The following DRD2 variants were observed in gnomAD, a reference collection of about 807,000 sequenced individuals.
The protein encoded by DRD2 is dopamine receptor D2.
Under a neutral mutation model 38.0 loss-of-function variants are expected in DRD2, and 8 were observed. The ratio of observed to expected loss-of-function variants is 0.21; its 90% CI spans 0.12 to 0.38. DRD2 has a LOEUF of 0.38. Among genes scored for constraint, DRD2 ranks in the 10% least tolerant of loss-of-function variants. The pLI, the probability that DRD2 is intolerant of heterozygous loss-of-function variation, is 1.00. For missense variants in DRD2, 403 were observed against 607.7 expected, an observed-to-expected ratio of 0.66 and a Z score of 3.54; for synonymous variants, 230 against 238.6, an observed-to-expected ratio of 0.96 and a Z score of 0.33.
chr11:113,454,109 A>G (rs1447147367), intron 1 of DRD2, among the ~76,000 whole-genome samples: 2 of 152,238 alleles, frequency 1.3e-5, no homozygotes, highest in East Asian at 3.8e-4. Context: ...GGTGGCTTCA[A>G]ATCAGCTACA....
chr11:113,433,457 G>A (rs1591286106), intron 1 of DRD2, among the ~76,000 whole-genome samples: 2 of 152,156 alleles, frequency 1.3e-5, no homozygotes, highest in South Asian at 4.1e-4. Context: ...CCCAGGGAGT[G>A]GCCTGGACTA....
chr11:113,471,074 C>T (rs374820434), intron 1 of DRD2, among the ~76,000 whole-genome samples: 10 of 152,234 alleles, frequency 6.6e-5, no homozygotes, highest in African/African-American at 2.2e-4. Flanking sequence ...TTCTCTGGAC[C>T]CAAATCAAAG....
At chr11:113,453,706 C>T (rs1172445389) in intron 1 of DRD2, among the ~76,000 whole-genome samples, 5 of 152,196 alleles carry the variant, frequency 3.3e-5, no homozygotes, top group African/African-American at 7.2e-5. Context: ...CGTTCCATGA[C>T]GGAGATGCCG....
intron 1 of DRD2, among the ~76,000 whole-genome samples, chr11:113,436,130 C>T (rs1360432870): frequency 6.6e-6 from 1 of 152,140 alleles, no homozygotes; most frequent in East Asian, 1.9e-4. Flanking sequence ...GATGGGAGGC[C>T]TTCTTGCAAT....
At chr11:113,411,041 G>A in intron 7 of DRD2, 121 bp from the exon 8 acceptor site, 1 of 1,080,248 alleles carries the variant, frequency 9.3e-7, no homozygotes, top group Non-Finnish European at 1.3e-6. Flanking sequence ...CAGAAGCACT[G>A]TAGGAGGAGT....
chr11:113,471,490 G>T (rs1360670012), intron 1 of DRD2, among the ~76,000 whole-genome samples: 4 of 152,162 alleles, frequency 2.6e-5, no homozygotes, highest in Non-Finnish European at 5.9e-5. Flanking sequence ...AGGGAAAATG[G>T]TGCTGGGGTT....
chr11:113,471,910 C>G (rs948257208), intron 1 of DRD2, among the ~76,000 whole-genome samples: 2 of 152,168 alleles, frequency 1.3e-5, no homozygotes, highest in African/African-American at 4.8e-5. Flanking sequence ...AAGACCTCAA[C>G]TCTTAGGTAA....
chr11:113,451,614 C>G (rs1262743387), intron 1 of DRD2, among the ~76,000 whole-genome samples: 1 of 152,110 alleles, frequency 6.6e-6, no homozygotes, highest in Non-Finnish European at 1.5e-5. Context: ...CCTCAGCCTC[C>G]CAAGTAACTG....
chr11:113,425,839 T>G (rs984666942), intron 1 of DRD2, among the ~76,000 whole-genome samples: 2 of 152,148 alleles, frequency 1.3e-5, no homozygotes, highest in Admixed American at 1.3e-4. Flanking sequence ...TGACATGGTA[T>G]CAAATCATCA....
intron 1 of DRD2, among the ~76,000 whole-genome samples, chr11:113,436,215 G>A (rs1195735882): frequency 6.6e-6 from 1 of 152,102 alleles, no homozygotes; most frequent in Non-Finnish European, 1.5e-5. Flanking sequence ...CCTCAAAGAC[G>A]AATTGAAGGT....
chr11:113,473,937 G>A (rs1318249499), intron 1 of DRD2, among the ~76,000 whole-genome samples: 1 of 152,204 alleles, frequency 6.6e-6, no homozygotes, highest in African/African-American at 2.4e-5. Flanking sequence ...CCCTAAGGAG[G>A]AGCAAGGATT....
intron 1 of DRD2, among the ~76,000 whole-genome samples, chr11:113,437,033 G>A (rs1386594001): frequency 6.6e-6 from 1 of 152,160 alleles, no homozygotes; most frequent in Non-Finnish European, 1.5e-5. Context: ...AATAAGTCAT[G>A]TCCTCTCTTT....
At chr11:113,439,307 A>G (rs1212474723) in intron 1 of DRD2, among the ~76,000 whole-genome samples, 1 of 152,180 alleles carries the variant, frequency 6.6e-6, no homozygotes, top group Non-Finnish European at 1.5e-5. Context: ...GAGGAAGCTG[A>G]CAGTGACGGT....
intron 1 of DRD2, among the ~76,000 whole-genome samples, chr11:113,471,464 T>C (rs188658390): frequency 6.6e-6 from 1 of 152,282 alleles, no homozygotes; most frequent in East Asian, 1.9e-4. Context: ...CAAAATGCCT[T>C]ACTGGAGGTG....
intron 1 of DRD2, among the ~76,000 whole-genome samples, chr11:113,437,900 A>G (rs1321781605): frequency 6.6e-6 from 1 of 152,100 alleles, no homozygotes; most frequent in Non-Finnish European, 1.5e-5. Context: ...GAGGGGCAAC[A>G]TGGGCACAAC....
At chr11:113,432,292 C>CA (rs1439898557) in intron 1 of DRD2, among the ~76,000 whole-genome samples, 1 of 8,834 alleles carries the variant, frequency 1.1e-4, no homozygotes, top group African/African-American at 2.6e-4. Flanking sequence ...CTCTCTTTCT[C>CA]TCTCTCTCTC....
Position 113,424,449 on chromosome 11 carries a change from G to T in DRD2, c.203C>A (p.Thr68Asn). 1 of 1,614,256 alleles carries T rather than the reference G, an allele frequency of 6.2e-7. No homozygotes were observed. Among genetic ancestry groups the T allele is most frequent in the Non-Finnish European group, 8.5e-7 (1 of 1,180,050 alleles). The change falls in exon 2 of 8, where the codon ACC (threonine) becomes AAC (asparagine). Residue 68 changes from threonine (T) to asparagine (N), a missense_variant. By Grantham distance (65) the Thr-to-Asn change is moderately conservative. Coordinates refer to ENST00000362072, the MANE Select transcript of DRD2 (RefSeq NM_000795.4). Reference sequence around the variant, plus strand: ...GAGGCTGACGATCAGGTAGTTGGTGGTGGTCTGCAGCGCCTTCTCGCGGGA... The same window carrying T: ...GAGGCTGACGATCAGGTAGTTGGTGTTGGTCTGCAGCGCCTTCTCGCGGGA... Reference protein sequence around the residue: ...AVSREKALQTTTNYLIVSLAV... With the variant: ...AVSREKALQTNTNYLIVSLAV...
chr11:113,429,216 G>A (rs898118034), intron 1 of DRD2, among the ~76,000 whole-genome samples: 6 of 152,162 alleles, frequency 3.9e-5, no homozygotes, highest in African/African-American at 1.2e-4. Flanking sequence ...CCTTGGTACA[G>A]GGCTATCTTT....
At chr11:113,425,904 G>T (rs1037459402) in intron 1 of DRD2, among the ~76,000 whole-genome samples, 5 of 152,052 alleles carry the variant, frequency 3.3e-5, no homozygotes, top group Non-Finnish European at 5.9e-5. Context: ...TAACGTTGAG[G>T]ATAATTAAAC....
Sources: gnomAD v4.1 joint callset for allele counts (sites outside exome capture counted in the v4.1 genomes callset) on GRCh38, gnomAD v4.1.1 for gene constraint, MANE v1.5 for transcripts, NCBI Gene and HGNC (gene_info 2026-07-23, HGNC 2026-07-21) for gene names.